The following SPOCK1 variants were observed in gnomAD, a reference collection of about 807,000 sequenced individuals.
SPOCK1 encodes testican-1.
A neutral mutation model predicts 55.3 loss-of-function variants in SPOCK1; 23 were observed. The observed-to-expected ratio is 0.42, with a 90% CI of 0.30 to 0.59. The LOEUF (loss-of-function observed/expected upper bound fraction) is 0.59. SPOCK1 is among the 20% of genes least tolerant of loss of function. The probability of loss-of-function intolerance (pLI) is 0.22; values close to 1 mark genes in which losing one functional copy is unlikely to be tolerated. For missense variants in SPOCK1, 499 were observed against 552.5 expected (o/e 0.90, Z 0.97); for synonymous variants, 226 against 221.0 (o/e 1.02, Z -0.20).
At chr5:137,237,886 T>C (rs1756208874) in intron 3 of SPOCK1, among the ~76,000 whole-genome samples, 1 of 152,184 alleles carries the variant, frequency 6.6e-6, no homozygotes, top group East Asian at 1.9e-4. Flanking sequence ...GTCTGGGGGC[T>C]ACACTTGAAG....
At chr5:137,396,897 A>C (rs1444979887) in intron 2 of SPOCK1, among the ~76,000 whole-genome samples, 1 of 152,156 alleles carries the variant, frequency 6.6e-6, no homozygotes, top group Non-Finnish European at 1.5e-5. Context: ...TCCCCCTTAA[A>C]AAATATAACA....
chr5:137,152,229 T>C (rs1245185748), intron 3 of SPOCK1, among the ~76,000 whole-genome samples: 1 of 152,256 alleles, frequency 6.6e-6, no homozygotes, highest in Admixed American at 6.5e-5. Context: ...TGTTCTGTGC[T>C]ATTCAGTCAT....
chr5:137,004,684 A>T (rs1341030063), intron 6 of SPOCK1, among the ~76,000 whole-genome samples: 1 of 152,142 alleles, frequency 6.6e-6, no homozygotes, highest in African/African-American at 2.4e-5. Flanking sequence ...ATATATAAAC[A>T]ACAATGTACC....
At chr5:137,049,073 AT>A (rs1752154389) in intron 6 of SPOCK1, among the ~76,000 whole-genome samples, 1 of 136,630 alleles carries the variant, frequency 7.3e-6, no homozygotes, top group South Asian at 2.6e-4. Flanking sequence ...TGCCCTTAAC[AT>A]TTTTTCCTTC....
At chr5:137,065,606 G>A (rs1178943698) in intron 6 of SPOCK1, among the ~76,000 whole-genome samples, 2 of 152,142 alleles carry the variant, frequency 1.3e-5, no homozygotes, top group African/African-American at 4.8e-5. Flanking sequence ...TTGGACTAAA[G>A]GAACTGATGA....
intron 2 of SPOCK1, among the ~76,000 whole-genome samples, chr5:137,390,519 G>A (rs187065669): frequency 2.8e-4 from 43 of 152,202 alleles, no homozygotes; most frequent in African/African-American, 8.9e-4. Flanking sequence ...TTCTATTTCC[G>A]TTTTTAATAT....
intron 2 of SPOCK1, among the ~76,000 whole-genome samples, chr5:137,324,568 A>G (rs1758040874): frequency 6.6e-6 from 1 of 152,242 alleles, no homozygotes; most frequent in African/African-American, 2.4e-5. Context: ...TATCTAAAGT[A>G]GTTAAACTTT....
At chr5:137,432,262 C>A (rs1752763406) in intron 2 of SPOCK1, among the ~76,000 whole-genome samples, 1 of 152,068 alleles carries the variant, frequency 6.6e-6, no homozygotes. Context: ...GGATATACAC[C>A]CAAAAGAACT....
chr5:137,241,702 G>A (rs922789373), intron 3 of SPOCK1, among the ~76,000 whole-genome samples: 1 of 152,034 alleles, frequency 6.6e-6, no homozygotes, highest in East Asian at 1.9e-4. Flanking sequence ...CAGCAAGAAG[G>A]CCTCACTAGA....
In SPOCK1 at chr5:137,008,211, C is replaced by G. The variant is rs150817010; in HGVS notation, c.590-15611G>C. ...GTAGACGACAGGTTGATGGGTGCAG[C>G]AAACCACCATGGCACATGTATACCT... On this transcript the variant is annotated intron_variant, in intron 6 of 10. Transcript: ENST00000394945. 3.5e-3 allele frequency among the ~76,000 whole-genome samples: 536 copies of G among 151,456 alleles called. 3 individuals carry two copies. Among genetic ancestry groups the G allele is most frequent in the Non-Finnish European group, 6.1e-3 (414 of 67,896 alleles).
intron 2 of SPOCK1, among the ~76,000 whole-genome samples, chr5:137,421,046 C>A (rs1334900067): frequency 6.6e-6 from 1 of 152,198 alleles, no homozygotes; most frequent in Non-Finnish European, 1.5e-5. Context: ...GCCTTCATTT[C>A]GTTATGTACC....
chr5:137,099,833 A>T (rs564868324), intron 5 of SPOCK1, among the ~76,000 whole-genome samples: 4 of 152,282 alleles, frequency 2.6e-5, no homozygotes, highest in African/African-American at 9.6e-5. Flanking sequence ...GTTTTGGGGC[A>T]ACAGCTGCAT....
intron 2 of SPOCK1, among the ~76,000 whole-genome samples, chr5:137,429,699 C>T (rs1232240975): frequency 6.6e-6 from 1 of 152,186 alleles, no homozygotes; most frequent in African/African-American, 2.4e-5. Flanking sequence ...GTTTATTAAA[C>T]CCTGGACTCT....
chr5:137,014,055 T>C (rs1751402339), intron 6 of SPOCK1, among the ~76,000 whole-genome samples: 1 of 151,894 alleles, frequency 6.6e-6, no homozygotes, highest in African/African-American at 2.4e-5. Flanking sequence ...TGCTGGGAGG[T>C]GTTTGGATCA....
intron 6 of SPOCK1, among the ~76,000 whole-genome samples, chr5:136,996,055 T>G (rs564041559): frequency 1.3e-5 from 2 of 152,268 alleles, no homozygotes; most frequent in African/African-American, 4.8e-5. Context: ...GGGCTATTTG[T>G]TCAAATTTGG....
chr5:137,141,413 T>C (rs1754096030), intron 3 of SPOCK1, among the ~76,000 whole-genome samples: 1 of 152,118 alleles, frequency 6.6e-6, no homozygotes, highest in South Asian at 2.1e-4. Context: ...GAGGACAGAG[T>C]TTTTTGCTTC....
chr5:137,297,147 CAT>C (rs1664406494), intron 2 of SPOCK1, among the ~76,000 whole-genome samples: 1 of 152,314 alleles, frequency 6.6e-6, no homozygotes, highest in Non-Finnish European at 1.5e-5. Flanking sequence ...TATACACACA[CAT>C]ACATGTATGT....
At chr5:137,302,708 G>A (rs529552548) in intron 2 of SPOCK1, among the ~76,000 whole-genome samples, 19 of 151,976 alleles carry the variant, frequency 1.3e-4, no homozygotes, top group East Asian at 3.9e-4. Context: ...ATACATATAC[G>A]TTATAAATAA....
chr5:137,125,464 G>A (rs1000896005), intron 4 of SPOCK1, among the ~76,000 whole-genome samples: 1 of 152,164 alleles, frequency 6.6e-6, no homozygotes, highest in Non-Finnish European at 1.5e-5. Flanking sequence ...GGTATTAGGA[G>A]GTGGGGCCTT....
Sources: gnomAD v4.1 joint callset for allele counts (sites outside exome capture counted in the v4.1 genomes callset) on GRCh38, gnomAD v4.1.1 for gene constraint, MANE v1.5 for transcripts, NCBI Gene and HGNC (gene_info 2026-07-23, HGNC 2026-07-21) for gene names.